Variants in KLRD1 observed in about 807,000 individuals in gnomAD.
The protein encoded by KLRD1 is natural killer cells antigen CD94.
In KLRD1, 21 loss-of-function variants were observed where a neutral mutation model predicts 22.6. The observed-to-expected ratio is 0.93, with a 90% CI of 0.66 to 1.34. KLRD1 has a LOEUF of 1.34. KLRD1 is among the 40% of genes most tolerant of loss of function. The pLI is 0.00. For synonymous variants in KLRD1, 59 were observed against 71.1 expected (o/e 0.83, Z 0.85); for missense variants, 183 against 208.6 (o/e 0.88, Z 0.76).
chr12:10,264,055 A>G (rs1949478124), intron 1 of KLRD1, among the ~76,000 whole-genome samples: 1 of 152,156 alleles, frequency 6.6e-6, no homozygotes, highest in South Asian at 2.1e-4. Flanking sequence ...CTAAGTCTTA[A>G]GTCATCACTG....
upstream of KLRD1, chr12:10,307,790 A>G: frequency 5.9e-6 from 2 of 339,970 alleles, no homozygotes; most frequent in Non-Finnish European, 1.1e-5. Context: ...CCAAAGTGTT[A>G]ATATTGCAAA....
intron 1 of KLRD1, among the ~76,000 whole-genome samples, chr12:10,266,397 A>G (rs956437605): frequency 6.6e-6 from 1 of 152,110 alleles, no homozygotes; most frequent in Non-Finnish European, 1.5e-5. Flanking sequence ...TCTCATTTCC[A>G]TGATTACCTT....
At chr12:10,264,722 C>G (rs903333809) in intron 1 of KLRD1, among the ~76,000 whole-genome samples, 7 of 147,202 alleles carry the variant, frequency 4.8e-5, no homozygotes, top group Non-Finnish European at 7.4e-5. Flanking sequence ...CACTTAAGAT[C>G]TACTCTCTTA....
chr12:10,311,416 A>C (rs753513988), intron 3 of KLRD1, 48 bp from the exon 4 acceptor site: 1 of 1,549,972 alleles, frequency 6.5e-7, no homozygotes. Flanking sequence ...CATTGAAAAA[A>C]ATGTCTAGTC....
At chr12:10,310,398 G>A (rs748445086) in intron 3 of KLRD1, among the ~76,000 whole-genome samples, 6 of 152,270 alleles carry the variant, frequency 3.9e-5, no homozygotes, top group Admixed American at 6.5e-5. Flanking sequence ...GGATTATGCC[G>A]TACCCAGCAG....
chr12:10,323,355 C>G lies in KLRD1; in HGVS notation c.*8562C>G, dbSNP rs1282327031. 1 of 152,066 alleles carries G rather than the reference C, an allele frequency of 6.6e-6. No individual in the cohort carries two copies. Among genetic ancestry groups the G allele is most frequent in the Admixed American group, 6.5e-5 (1 of 15,270 alleles). The allele number at this position is 152,066 out of a possible 1,614,324, so 9.4% of individuals were successfully genotyped here. On this transcript the variant is annotated 3_prime_UTR_variant, in exon 6 of 6. Coordinates refer to ENST00000336164, the MANE Select transcript of KLRD1 (RefSeq NM_002262.5). ...ATTATGAATTATTTTAGTCTAAGGA[C>G]CTTCTGGATACTATGCATTTGCATA...
At chr12:10,277,119 T>G (rs922382813) in intron 1 of KLRD1, among the ~76,000 whole-genome samples, 5 of 149,976 alleles carry the variant, frequency 3.3e-5, no homozygotes, top group African/African-American at 4.9e-5. Flanking sequence ...ACAGAGTTTT[T>G]TTTTTTTTTT....
chr12:10,257,643 GT>G (rs1054020993), intron 1 of KLRD1, among the ~76,000 whole-genome samples: 32 of 91,450 alleles, frequency 3.5e-4, no homozygotes, highest in African/African-American at 5.8e-4. Context: ...TTATTTTTCT[GT>G]TTTTTTCTTT....
upstream of KLRD1, among the ~76,000 whole-genome samples, chr12:10,299,662 C>T (rs1949850944): frequency 6.6e-6 from 1 of 152,024 alleles, no homozygotes; most frequent in Admixed American, 6.5e-5. Flanking sequence ...TGTTGACTGA[C>T]TGGGGTGGTG....
chr12:10,305,024 A>G (rs1432179652), upstream of KLRD1, among the ~76,000 whole-genome samples: 1 of 152,232 alleles, frequency 6.6e-6, no homozygotes, highest in African/African-American at 2.4e-5. Flanking sequence ...TGGGGATACT[A>G]GAACGTATAC....
At chr12:10,280,365 A>G (rs1949628565) in intron 1 of KLRD1, among the ~76,000 whole-genome samples, 1 of 152,260 alleles carries the variant, frequency 6.6e-6, no homozygotes, top group Non-Finnish European at 1.5e-5. Context: ...TATTTATTTA[A>G]TAATTATATG....
At position 10,323,523 on chromosome 12, in the gene KLRD1, A is replaced by G. The variant is rs1010801175; in HGVS notation, c.*8730A>G. The G allele has an allele frequency of 6.6e-6, 1 of 151,990 alleles. No individual in the cohort carries two copies. The highest frequency in any genetic ancestry group is 2.4e-5 in the African/African-American group (1 of 41,374). 9.4% of individuals were successfully genotyped at this position (151,990 alleles called of 1,614,324 possible). On this transcript the variant is annotated 3_prime_UTR_variant, in exon 6 of 6. Transcript: ENST00000336164. ...ATTTTTAACAGCGCTGTTGCAGTATAATTGAGATACTTTAAGCATACTTTA... is the reference window on the plus strand; with the variant it reads ...ATTTTTAACAGCGCTGTTGCAGTATGATTGAGATACTTTAAGCATACTTTA...
intron 1 of KLRD1, among the ~76,000 whole-genome samples, chr12:10,253,993 A>G (rs781058137): frequency 2.0e-5 from 3 of 152,296 alleles, no homozygotes; most frequent in Non-Finnish European, 4.4e-5. Context: ...ACGCTGGAAA[A>G]CAACCTAGGC....
rs117225601 is a variant in KLRD1 at position 10,279,209 on chromosome 12, A to G, written c.-100-28769A>G. ...TCTTCTTTGTGTCCACATGTATTCA[A>G]TGTTTAGCTCCCACTTATAAGTGAG... On this transcript the variant is annotated intron_variant, in intron 1 of 5. Transcript: ENST00000544747. 4.0e-3 allele frequency among the ~76,000 whole-genome samples: 602 copies of G among 152,032 alleles called. 19 individuals carry two copies. In the East Asian group the frequency reaches 0.068, roughly 17 times the overall value.
At position 10,321,515 on chromosome 12, in the gene KLRD1, G is replaced by T. The variant is rs970797247; in HGVS notation, c.*6722G>T. 1 of 152,196 alleles carries T rather than the reference G, an allele frequency of 6.6e-6. No individual in the cohort carries two copies. Among genetic ancestry groups the T allele is most frequent in the Non-Finnish European group, 1.5e-5 (1 of 68,042 alleles). The allele number at this position is 152,196 out of a possible 1,614,324, so 9.4% of individuals were successfully genotyped here. A position where few individuals can be genotyped will look rare whatever the true frequency, so the allele number is the denominator to read the frequency against. On this transcript the variant is annotated 3_prime_UTR_variant, in exon 6 of 6. Transcript: ENST00000336164. ...TTCCTATATGCTCCCAATGATCCCTGTTTCTTGGAATTTAACCCTTTTGAT... is the reference window on the plus strand; with the variant it reads ...TTCCTATATGCTCCCAATGATCCCTTTTTCTTGGAATTTAACCCTTTTGAT...
chr12:10,320,720 G>A lies in KLRD1; in HGVS notation c.*5927G>A, dbSNP rs985285494. 2 of 152,104 alleles carry A rather than the reference G, an allele frequency of 1.3e-5. No individual in the cohort carries two copies. Among genetic ancestry groups the A allele is most frequent in the African/African-American group, 4.8e-5 (2 of 41,384 alleles). 9.4% of individuals were successfully genotyped at this position (152,104 alleles called of 1,614,324 possible). Reference sequence around the variant, plus strand: ...AAGATCCAATCTAGAGTGCTCTCAGGAAAGCATGATTCTAAACAAGAAGGT... The same window carrying A: ...AAGATCCAATCTAGAGTGCTCTCAGAAAAGCATGATTCTAAACAAGAAGGT... On this transcript the variant is annotated 3_prime_UTR_variant, in exon 6 of 6. Transcript: ENST00000336164.
chr12:10,266,564 C>A (rs1382143724), intron 1 of KLRD1, among the ~76,000 whole-genome samples: 1 of 151,826 alleles, frequency 6.6e-6, no homozygotes, highest in Non-Finnish European at 1.5e-5. Context: ...TTATTTTTAA[C>A]ACTGTAATCT....
upstream of KLRD1, among the ~76,000 whole-genome samples, chr12:10,302,489 AG>A (rs1949874955): frequency 6.6e-6 from 1 of 152,214 alleles, no homozygotes; most frequent in East Asian, 1.9e-4. Context: ...CTGAGACACC[AG>A]TATTGTAGCA....
chr12:10,284,208 C>T (rs1260564382), intron 1 of KLRD1, among the ~76,000 whole-genome samples: 2 of 151,796 alleles, frequency 1.3e-5, no homozygotes, highest in East Asian at 3.9e-4. Context: ...GTAACAACAA[C>T]AACAACAACA....
Sources: allele counts gnomAD v4.1 joint callset (sites outside exome capture counted in the v4.1 genomes callset), GRCh38; gene constraint gnomAD v4.1.1; transcripts MANE v1.5; gene names NCBI Gene and HGNC (gene_info 2026-07-23, HGNC 2026-07-21).